Variants in TMEM117 observed in about 807,000 individuals in gnomAD.
TMEM117 encodes the protein transmembrane protein 117.
In TMEM117, 27 loss-of-function variants were observed where a neutral mutation model predicts 52.4. The observed-to-expected ratio is 0.51, with a 90% CI of 0.38 to 0.71. The LOEUF is 0.71. Among genes scored for constraint, TMEM117 ranks in the 30% least tolerant of loss-of-function variants. The pLI is 0.00. For missense variants in TMEM117, 556 were observed against 630.5 expected (o/e 0.88, Z 1.26); for synonymous variants, 215 against 206.3 (o/e 1.04, Z -0.36).
intron 2 of TMEM117, among the ~76,000 whole-genome samples, chr12:43,914,703 C>T (rs566061584): frequency 2.9e-4 from 44 of 152,214 alleles, no homozygotes; most frequent in Admixed American, 2.4e-3. Context: ...TCCTGTCTTT[C>T]TTTCATTCAT....
intron 5 of TMEM117, among the ~76,000 whole-genome samples, chr12:44,236,186 A>G (rs1484176526): frequency 6.7e-6 from 1 of 149,964 alleles, no homozygotes; most frequent in Non-Finnish European, 1.5e-5. Context: ...ATATATATAT[A>G]TAGAGAGAGA....
chr12:43,898,054 A>G (rs747189782), intron 2 of TMEM117, among the ~76,000 whole-genome samples: 4,102 of 149,550 alleles, frequency 0.027, 59 homozygotes, highest in Middle Eastern at 0.084. Flanking sequence ...GCACGCACAC[A>G]CACACACACA....
chr12:44,127,904 ATGTC>A (rs201819076), intron 3 of TMEM117, among the ~76,000 whole-genome samples: 2 of 152,158 alleles, frequency 1.3e-5, no homozygotes, highest in African/African-American at 4.8e-5. Flanking sequence ...GTGTATGCCA[ATGTC>A]TGTCTGTCTG....
intron 1 of TMEM117, among the ~76,000 whole-genome samples, chr12:43,843,173 C>T (rs1329806470): frequency 2.0e-5 from 3 of 152,174 alleles, no homozygotes; most frequent in African/African-American, 7.2e-5. Context: ...CCCTCTTCCC[C>T]CTCTTCCCCC....
At chr12:44,074,122 A>C (rs1175941899) in intron 3 of TMEM117, among the ~76,000 whole-genome samples, 3 of 152,212 alleles carry the variant, frequency 2.0e-5, no homozygotes, top group South Asian at 2.1e-4. Flanking sequence ...CAAAGCCACA[A>C]ATAAAAGTAA....
intron 3 of TMEM117, among the ~76,000 whole-genome samples, chr12:44,061,841 C>A (rs1191915788): frequency 2.6e-5 from 4 of 151,772 alleles, no homozygotes; most frequent in African/African-American, 4.8e-5. Context: ...GAGTGAGAGA[C>A]TAAAGGTTCA....
At chr12:44,162,731 T>C (rs959994561) in intron 4 of TMEM117, among the ~76,000 whole-genome samples, 7 of 152,326 alleles carry the variant, frequency 4.6e-5, no homozygotes, top group Admixed American at 3.9e-4. Flanking sequence ...CTTGTTCTGT[T>C]GAAAATGTCT....
chr12:44,067,851 C>T (rs1947245476), intron 3 of TMEM117, among the ~76,000 whole-genome samples: 1 of 152,190 alleles, frequency 6.6e-6, no homozygotes, highest in African/African-American at 2.4e-5. Flanking sequence ...GCATTTATTT[C>T]TCTTCTTGAG....
chr12:44,181,933 A>G (rs1188421963), intron 4 of TMEM117, among the ~76,000 whole-genome samples: 3 of 152,004 alleles, frequency 2.0e-5, no homozygotes, highest in Non-Finnish European at 4.4e-5. Flanking sequence ...GAATCTGTAA[A>G]TTACCTTGGG....
At position 44,061,601 on chromosome 12, in the gene TMEM117, C is replaced by T. The variant is rs575201265; in HGVS notation, c.411-81924C>T. ...ACCTCCTGTTATCCCCACACATTTC[C>T]GTAACACTACAAAATCCAGGATGTA... On this transcript the variant is annotated intron_variant, in intron 3 of 7. Transcript: ENST00000266534. Among the ~76,000 whole-genome samples, 215 of 152,098 alleles carry T rather than the reference C, an allele frequency of 1.4e-3. 8 individuals carry two copies. The South Asian group carries it at 0.036, about 25-fold the overall frequency.
At chr12:44,218,849 C>T (rs1383069299) in intron 5 of TMEM117, among the ~76,000 whole-genome samples, 1 of 152,176 alleles carries the variant, frequency 6.6e-6, no homozygotes, top group African/African-American at 2.4e-5. Flanking sequence ...CTTTAATCCA[C>T]ACTGCCACTC....
intron 2 of TMEM117, among the ~76,000 whole-genome samples, chr12:43,942,473 G>A (rs1158957122): frequency 6.6e-6 from 1 of 152,030 alleles, no homozygotes; most frequent in African/African-American, 2.4e-5. Context: ...ATTTGTGGGG[G>A]CTAGTATCAT....
At chr12:44,392,646 C>G (rs561794884), downstream of TMEM117, among the ~76,000 whole-genome samples, 1 of 151,600 alleles carries the variant, frequency 6.6e-6, no homozygotes, top group Non-Finnish European at 1.5e-5. Flanking sequence ...TAACATTAGG[C>G]ATATCTCCTA....
rs201962291 is a variant in TMEM117 at position 44,350,279 on chromosome 12, G to GTA, written c.769-26308_769-26307dup. Among the ~76,000 whole-genome samples, 1,127 of 152,042 alleles carry GTA rather than the reference G, an allele frequency of 7.4e-3. 19 individuals are homozygous for GTA. The highest frequency in any genetic ancestry group is 0.026 in the African/African-American group (1,077 of 41,516). ...AATCACCCAACTTGCCATATGCAAA[G>GTA]TATATATATCATGGGGTACATAAGA... On this transcript the variant is annotated intron_variant, in intron 6 of 7. Transcript: ENST00000266534.
chr12:44,009,622 C>T, intron 3 of TMEM117: 1 of 235,848 alleles, frequency 4.2e-6, no homozygotes. Flanking sequence ...TCCAACATTC[C>T]TTCTGGAACA....
chr12:44,316,936 T>A (rs1213020304), intron 6 of TMEM117, among the ~76,000 whole-genome samples: 1 of 151,830 alleles, frequency 6.6e-6, no homozygotes, highest in Non-Finnish European at 1.5e-5. Flanking sequence ...TCTGACTGAT[T>A]TTCTTTAAAG....
intron 5 of TMEM117, among the ~76,000 whole-genome samples, chr12:44,231,666 T>G (rs1949934819): frequency 2.6e-5 from 4 of 151,830 alleles, no homozygotes; most frequent in Non-Finnish European, 5.9e-5. Flanking sequence ...AATCCGGTGG[T>G]TGTTCAGTAA....
At position 43,890,681 on chromosome 12, in the gene TMEM117, G is replaced by A. The variant is rs1049615613; in HGVS notation, c.277+45753G>A. Among the ~76,000 whole-genome samples, 6 of 151,942 alleles carry A rather than the reference G, an allele frequency of 3.9e-5. No homozygotes were observed. The East Asian group carries it at 7.7e-4, about 20-fold the overall frequency. On this transcript the variant is annotated intron_variant, in intron 2 of 7. Coordinates refer to ENST00000266534, the MANE Select transcript of TMEM117 (RefSeq NM_032256.3). ...CGAGTAACTGGGATTACAGGCATCC[G>A]CCACCACACCCGGCTAGTTTTTGTA...
intron 5 of TMEM117, among the ~76,000 whole-genome samples, chr12:44,222,628 G>A (rs2138428684): frequency 6.6e-6 from 1 of 152,196 alleles, no homozygotes; most frequent in East Asian, 1.9e-4. Context: ...TCCCTCTTTT[G>A]CTGCCTCTAG....
Sources: allele counts gnomAD v4.1 joint callset (sites outside exome capture counted in the v4.1 genomes callset), GRCh38; gene constraint gnomAD v4.1.1; transcripts MANE v1.5; gene names NCBI Gene and HGNC (gene_info 2026-07-23, HGNC 2026-07-21).